The following ELP2 variants were observed in gnomAD, a reference collection of about 807,000 sequenced individuals.
The protein encoded by ELP2 is elongator acetyltransferase complex subunit 2, also known as elongator complex protein 2.
ELP2 carries 90 observed loss-of-function variants against 119.2 expected under a neutral mutation model. That is an observed-to-expected ratio of 0.75 (90% CI 0.64 to 0.90). ELP2 has a LOEUF of 0.90. Among genes scored for constraint, ELP2 ranks in the 40% least tolerant of loss-of-function variants. ELP2 has a pLI of 0.00. For synonymous variants in ELP2, 339 were observed against 331.0 expected (o/e 1.02, Z -0.26); for missense variants, 921 against 967.8 (o/e 0.95, Z 0.64).
chr18:36,144,577 C>A (rs1186884781), intron 8 of ELP2, among the ~76,000 whole-genome samples: 1 of 152,094 alleles, frequency 6.6e-6, no homozygotes, highest in African/African-American at 2.4e-5. Context: ...GTATTTTAGG[C>A]TATTATATTC....
intron 6 of ELP2, among the ~76,000 whole-genome samples, chr18:36,141,767 T>C (rs1361913835): frequency 6.6e-6 from 1 of 151,516 alleles, no homozygotes; most frequent in Non-Finnish European, 1.5e-5. Context: ...CATGCGTCAC[T>C]GTAGTCTTGA....
chr18:36,133,273 C>T lies in ELP2; in HGVS notation c.174C>T (p.Thr58=), dbSNP rs150889303. ...TTGTTACCAACTTGAATGGTCACAC[C>T]GCCCGAGTCAATTGCATACAGTGGA... ...RVVVTNLNGH[T]ARVNCIQWIC... Residue 58 remains threonine (T), a synonymous_variant, in exon 2 of 22, where the codon ACC becomes ACT. Transcript: ENST00000358232. 5.0e-5 allele frequency: 80 copies of T among 1,613,716 alleles called. 1 individual carries two copies. In the South Asian group the frequency reaches 5.3e-4, roughly 11 times the overall value.
chr18:36,136,584 TCTTA>T (rs2089834381), intron 3 of ELP2: 1 of 567,264 alleles, frequency 1.8e-6, no homozygotes, highest in South Asian at 2.2e-5. Flanking sequence ...AGAGATGGGG[TCTTA>T]CTTTGTTGCC....
In ELP2 at chr18:36,156,649, T is replaced by C. The variant is rs770584956; in HGVS notation, c.1459T>C (p.Cys487Arg). The C allele has an allele frequency of 3.1e-6, 5 of 1,613,608 alleles. No individual in the cohort carries two copies. The Admixed American group carries it at 6.7e-5, about 22-fold the overall frequency. Residue 487 changes from cysteine to arginine, a missense_variant, in exon 13 of 22, where the codon TGT (cysteine) becomes CGT (arginine). Cys to Arg is a radical substitution (Grantham distance 180, BLOSUM62 -3). Coordinates refer to ENST00000358232, the MANE Select transcript of ELP2 (RefSeq NM_018255.4). ...AGGACAATCACTGAATCATGTGCTC[T>C]GTAATGTGAGTATTTCTCTAAATAT... is the stretch of plus-strand genomic sequence containing the variant. ...ITGQSLNHVL[C>R]NQDSDLPEGA... is the part of the protein sequence containing the mutation.
intron 1 of ELP2, among the ~76,000 whole-genome samples, chr18:36,130,697 T>C (rs1486560695): frequency 1.3e-5 from 2 of 152,198 alleles, no homozygotes; most frequent in East Asian, 3.8e-4. Flanking sequence ...TGAATAGTTT[T>C]TGCATGCTCC....
intron 17 of ELP2, among the ~76,000 whole-genome samples, chr18:36,161,601 A>G (rs964283546): frequency 3.9e-5 from 6 of 152,220 alleles, no homozygotes; most frequent in African/African-American, 7.2e-5. Context: ...GTATTTATCC[A>G]TATCCTGTGG....
intron 19 of ELP2, 166 bp from the exon 20 acceptor site, chr18:36,169,897 T>A (rs564393738): frequency 1.1e-6 from 1 of 876,996 alleles, no homozygotes; most frequent in South Asian, 1.5e-5. Context: ...TTCTTTCTGA[T>A]GCTTGAAATG....
intron 21 of ELP2, among the ~76,000 whole-genome samples, chr18:36,171,766 G>C (rs564321268): frequency 3.9e-5 from 6 of 152,204 alleles, no homozygotes; most frequent in Non-Finnish European, 5.9e-5. Flanking sequence ...ACCTAGGCTA[G>C]AGTGCAGTGG....
rs747322866 is a variant in ELP2 at position 36,154,929 on chromosome 18, T to G, written c.1205T>G (p.Phe402Cys). The G allele has an allele frequency of 5.6e-6, 9 of 1,613,926 alleles. No individual in the cohort carries two copies. Among genetic ancestry groups the G allele is most frequent in the Non-Finnish European group, 7.6e-6 (9 of 1,179,936 alleles). ...QDLVWDPEGEFIITVGTDQTT... is the reference protein window; with the variant it reads ...QDLVWDPEGECIITVGTDQTT... ...CTAGTCTGGGATCCAGAAGGAGAAT[T>G]TATTATCACTGTTGGTACTGATCAG... Residue 402 changes from phenylalanine to cysteine, a missense_variant, in exon 12 of 22, where the codon TTT (phenylalanine) becomes TGT (cysteine). Phe to Cys is a radical substitution (Grantham distance 205). Coordinates refer to ENST00000358232, the MANE Select transcript of ELP2 (RefSeq NM_018255.4).
chr18:36,138,127 G>A (rs763462681), intron 3 of ELP2, 143 bp from the exon 4 acceptor site: 327 of 733,914 alleles, frequency 4.5e-4, no homozygotes, highest in Admixed American at 1.1e-3. Flanking sequence ...TGTTAACATG[G>A]TCAGACAGAC....
In ELP2 at chr18:36,155,273, C is replaced by T. The variant is rs1039010394; in HGVS notation, c.1275+274C>T. Among the ~76,000 whole-genome samples, 7 of 146,208 alleles carry T rather than the reference C, an allele frequency of 4.8e-5. 1 individual carries two copies. Among genetic ancestry groups the T allele is most frequent in the Non-Finnish European group, 6.0e-5 (4 of 66,296 alleles). On this transcript the variant is annotated intron_variant, in intron 12 of 21. Coordinates refer to ENST00000358232, the MANE Select transcript of ELP2 (RefSeq NM_018255.4). ...GGTGATGCACCGCCCCTCCCCCCCC[C>T]CCGCCTCCCAAAGTGCTGGGTTATA...
Position 36,130,084 on chromosome 18 carries a change from G to T in ELP2, c.138+13G>T, listed in dbSNP as rs2089541548. ...CTATGACCCCCTGGTAAGAGAGGTC[G>T]CTGGACGGCCGACCCTTGTGCTTTT... On this transcript the variant is annotated intron_variant, in intron 1 of 21. Transcript: ENST00000358232. 2 of 1,613,912 alleles carry T rather than the reference G, an allele frequency of 1.2e-6. No homozygotes were observed. Among genetic ancestry groups the T allele is most frequent in the African/African-American group, 2.7e-5 (2 of 74,908 alleles).
chr18:36,137,803 CAAAAAAAAAAA>C (rs57722627), intron 3 of ELP2, among the ~76,000 whole-genome samples: 2 of 103,684 alleles, frequency 1.9e-5, no homozygotes, highest in African/African-American at 3.5e-5. Flanking sequence ...ATATTATCAC[CAAAAAAAAAAA>C]AAAAAAAAAA....
intron 11 of ELP2, among the ~76,000 whole-genome samples, chr18:36,150,808 C>T (rs1263032649): frequency 1.3e-5 from 2 of 152,140 alleles, no homozygotes. Flanking sequence ...AATGTTCAGC[C>T]CCATGATACA....
At chr18:36,143,097 TCTTTC>T in intron 8 of ELP2, 131 bp downstream of exon 8, 1 of 683,902 alleles carries the variant, frequency 1.5e-6, no homozygotes, top group Non-Finnish European at 2.4e-6. Context: ...ATTTCTTTTT[TCTTTC>T]TTTTTTTTTT....
chr18:36,170,566 G>T (rs907900613), intron 20 of ELP2, among the ~76,000 whole-genome samples: 6 of 151,860 alleles, frequency 4.0e-5, no homozygotes, highest in African/African-American at 1.5e-4. Context: ...CATCTGCCTC[G>T]TCCTCCCAAA....
intron 8 of ELP2, among the ~76,000 whole-genome samples, chr18:36,143,382 A>G (rs1016352990): frequency 1.6e-4 from 24 of 149,920 alleles, no homozygotes; most frequent in Admixed American, 1.6e-3. Flanking sequence ...TCGGCCTCCC[A>G]AAGTGCTGGG....
At chr18:36,139,958 C>T (rs1387919565) in intron 5 of ELP2, among the ~76,000 whole-genome samples, 1 of 150,894 alleles carries the variant, frequency 6.6e-6, no homozygotes, top group Non-Finnish European at 1.5e-5. Flanking sequence ...AGGTGATTTT[C>T]CCACCTCAGC....
Position 36,159,768 on chromosome 18 carries a change from AG to A in ELP2, c.1569del (p.Glu523AspfsTer3). The stretch of plus-strand genomic sequence containing the variant: ...GCTTCTCAGCCTTCTGATGAAGAGG[AG>A]CTGTTAACTAGTACTGGTTTTGAGT... ...DIASQPSDEE[E>X]LLTSTGFEYQ... On this transcript the variant is annotated frameshift_variant, in exon 15 of 22. Coordinates refer to ENST00000358232, the MANE Select transcript of ELP2 (RefSeq NM_018255.4). LOFTEE classifies it high-confidence loss of function. 1 of 1,613,954 alleles carries A rather than the reference AG, an allele frequency of 6.2e-7. No homozygotes were observed. Among genetic ancestry groups the A allele is most frequent in the Non-Finnish European group, 8.5e-7 (1 of 1,179,914 alleles).
Sources: allele counts gnomAD v4.1 joint callset (sites outside exome capture counted in the v4.1 genomes callset), GRCh38; gene constraint gnomAD v4.1.1; transcripts MANE v1.5; gene names NCBI Gene and HGNC (gene_info 2026-07-23, HGNC 2026-07-21).